MAN1A1: variants seen among roughly 807,000 people sequenced by gnomAD.
The protein encoded by MAN1A1 is mannosidase alpha class 1A member 1, also known as mannosyl-oligosaccharide 1,2-alpha-mannosidase IA.
A neutral mutation model predicts 70.8 loss-of-function variants in MAN1A1; 29 were observed. The ratio of observed to expected loss-of-function variants is 0.41; its 90% CI spans 0.31 to 0.56. The LOEUF is 0.56. MAN1A1 is among the 20% of genes least tolerant of loss of function. MAN1A1 has a pLI of 0.29. For synonymous variants in MAN1A1, 349 were observed against 330.1 expected (o/e 1.06, Z -0.62); for missense variants, 747 against 841.3 (o/e 0.89, Z 1.39).
intron 2 of MAN1A1, chr6:119,331,895 T>C (rs748482585): frequency 6.3e-6 from 3 of 477,680 alleles, no homozygotes; most frequent in Admixed American, 4.7e-5. Flanking sequence ...CCAGCAGAGA[T>C]GAGTGCACAA....
At chr6:119,344,458 T>C (rs921947064) in intron 2 of MAN1A1, among the ~76,000 whole-genome samples, 2 of 152,222 alleles carry the variant, frequency 1.3e-5, no homozygotes, top group Non-Finnish European at 2.9e-5. Flanking sequence ...CTCCATGTCC[T>C]CCCTGCTCTG....
rs567419646 is a variant in MAN1A1, at chr6:119,240,813, T to G, written c.992+7447A>C. On this transcript the variant is annotated intron_variant, in intron 6 of 12. Coordinates refer to ENST00000368468, the MANE Select transcript of MAN1A1 (RefSeq NM_005907.4). ...TAACTGTCCACTTGCAATAAATAAA[T>G]GTCCTTAGTTTGGTCAAGGTATTGA... Among the ~76,000 whole-genome samples, 248 of 152,334 alleles carry G rather than the reference T, an allele frequency of 1.6e-3. 1 individual carries two copies. The highest frequency in any genetic ancestry group is 3.1e-3 in the Non-Finnish European group (213 of 68,020).
intron 2 of MAN1A1, among the ~76,000 whole-genome samples, chr6:119,317,669 T>C (rs1382474966): frequency 6.6e-6 from 1 of 152,168 alleles, no homozygotes; most frequent in Admixed American, 6.5e-5. Context: ...AACATCTTTG[T>C]TGCTTCCAAG....
At chr6:119,244,512 A>C (rs80205500) in intron 6 of MAN1A1, among the ~76,000 whole-genome samples, 4,267 of 152,222 alleles carry the variant, frequency 0.028, 94 homozygotes, top group Non-Finnish European at 0.045. Context: ...TTGGATTAAC[A>C]ATTTAAATAG....
At chr6:119,231,865 A>C (rs1012082142) in intron 6 of MAN1A1, among the ~76,000 whole-genome samples, 11 of 152,246 alleles carry the variant, frequency 7.2e-5, no homozygotes, top group African/African-American at 2.7e-4. Flanking sequence ...CTATAATCCT[A>C]GCTTTCACAT....
chr6:119,205,593 A>C (rs1305848581), intron 6 of MAN1A1, among the ~76,000 whole-genome samples: 1 of 152,202 alleles, frequency 6.6e-6, no homozygotes, highest in Non-Finnish European at 1.5e-5. Context: ...CTTTTTTAAA[A>C]AACTAGGCCT....
intron 11 of MAN1A1, among the ~76,000 whole-genome samples, chr6:119,184,168 C>G (rs965267935): frequency 1.3e-5 from 2 of 152,098 alleles, no homozygotes; most frequent in Non-Finnish European, 2.9e-5. Context: ...TGGAAGCTGT[C>G]ATGTGTTTGT....
At chr6:119,245,534 C>A (rs1250041933) in intron 6 of MAN1A1, among the ~76,000 whole-genome samples, 1 of 152,130 alleles carries the variant, frequency 6.6e-6, no homozygotes, top group Non-Finnish European at 1.5e-5. Context: ...ATCAGTCTCA[C>A]AGCTGGAAGT....
chr6:119,290,309 G>A (rs963382586), intron 5 of MAN1A1, among the ~76,000 whole-genome samples: 1 of 151,640 alleles, frequency 6.6e-6, no homozygotes, highest in Non-Finnish European at 1.5e-5. Flanking sequence ...ATTTAAAAAA[G>A]TTTTTATTTG....
chr6:119,202,992 C>G (rs1258062207), intron 7 of MAN1A1, among the ~76,000 whole-genome samples: 3 of 132,516 alleles, frequency 2.3e-5, no homozygotes, highest in Non-Finnish European at 4.9e-5. Context: ...CTCTCTCTCT[C>G]TCTCTGTGAC....
intron 2 of MAN1A1, among the ~76,000 whole-genome samples, chr6:119,317,365 C>T (rs1459265538): frequency 1.3e-5 from 2 of 152,242 alleles, no homozygotes; most frequent in African/African-American, 2.4e-5. Context: ...TTTTCACTGC[C>T]ATGAAAATCC....
intron 4 of MAN1A1, among the ~76,000 whole-genome samples, chr6:119,301,397 A>G (rs1772385026): frequency 6.6e-6 from 1 of 152,226 alleles, no homozygotes; most frequent in Non-Finnish European, 1.5e-5. Context: ...TTCCCTCAGT[A>G]TACAATGGGC....
At chr6:119,215,651 G>T (rs1399575080) in intron 6 of MAN1A1, among the ~76,000 whole-genome samples, 2 of 152,200 alleles carry the variant, frequency 1.3e-5, no homozygotes, top group African/African-American at 4.8e-5. Context: ...TGGTTGGGAT[G>T]AGTTCCTTCT....
chr6:119,247,962 G>T lies in MAN1A1; in HGVS notation c.992+298C>A, dbSNP rs1006673139. On this transcript the variant is annotated intron_variant, in intron 6 of 12. Coordinates refer to ENST00000368468, the MANE Select transcript of MAN1A1 (RefSeq NM_005907.4). ...AATTAAAAGATAACGGGACTCTTTT[G>T]GTATTTATGGAGACAGTATCATTGA... Among the ~76,000 whole-genome samples, 2 of 152,156 alleles carry T rather than the reference G, an allele frequency of 1.3e-5. 1 individual carries two copies. The highest frequency in any genetic ancestry group is 4.1e-4 in the South Asian group (2 of 4,828).
intron 2 of MAN1A1, among the ~76,000 whole-genome samples, chr6:119,333,288 A>C (rs1223608303): frequency 6.6e-6 from 1 of 152,214 alleles, no homozygotes; most frequent in Non-Finnish European, 1.5e-5. Flanking sequence ...GTGAGTGCCC[A>C]CAGGTCAGAA....
chr6:119,227,367 T>C (rs976102663), intron 6 of MAN1A1, among the ~76,000 whole-genome samples: 14 of 152,188 alleles, frequency 9.2e-5, no homozygotes, highest in African/African-American at 2.7e-4. Context: ...ACGTATACAT[T>C]TGTCAAAATA....
chr6:119,202,668 G>A (rs1773746131), intron 7 of MAN1A1, among the ~76,000 whole-genome samples: 2 of 152,078 alleles, frequency 1.3e-5, no homozygotes, highest in South Asian at 4.1e-4. Context: ...ACGACATTAT[G>A]ACAACTATGA....
At chr6:119,336,488 G>A (rs1334421504) in intron 2 of MAN1A1, among the ~76,000 whole-genome samples, 1 of 152,208 alleles carries the variant, frequency 6.6e-6, no homozygotes, top group Non-Finnish European at 1.5e-5. Context: ...GAGAAGTGAT[G>A]TTTTAGGAAT....
rs781330587 is a variant in MAN1A1 at position 119,179,921 on chromosome 6, G to T, written c.1860C>A (p.Asp620Glu). 3 of 1,613,528 alleles carry T rather than the reference G, an allele frequency of 1.9e-6. No individual in the cohort carries two copies. Among genetic ancestry groups the T allele is most frequent in the Non-Finnish European group, 2.5e-6 (3 of 1,179,584 alleles). ...TLKYLYLIFS[D>E]DDLLPLEHWI... Reference sequence around the variant, plus strand: ...AATGCTCCAGTGGAAGAAGATCGTCGTCAGAAAATATTAGGTACAAATATC... The same window carrying T: ...AATGCTCCAGTGGAAGAAGATCGTCTTCAGAAAATATTAGGTACAAATATC... The change falls in exon 13 of 13, where the codon GAC (aspartate) becomes GAA (glutamate). Residue 620 changes from aspartate (D) to glutamate (E), a missense_variant. This residue lies in a region of MAN1A1 where 419 missense variants were observed against 548.2 expected (regional missense o/e 0.76). Coordinates refer to ENST00000368468, the MANE Select transcript of MAN1A1 (RefSeq NM_005907.4).
Sources: allele counts gnomAD v4.1 joint callset (sites outside exome capture counted in the v4.1 genomes callset), GRCh38; gene constraint gnomAD v4.1.1; regional missense constraint gnomAD v4.1.1; transcripts MANE v1.5; gene names NCBI Gene and HGNC (gene_info 2026-07-23, HGNC 2026-07-21).